SCFD2: variants seen among roughly 807,000 people sequenced by gnomAD.
SCFD2 encodes sec1 family domain containing 2.
SCFD2 carries 54 observed loss-of-function variants against 58.9 expected under a neutral mutation model. That is an observed-to-expected ratio of 0.92 (90% CI 0.74 to 1.15). The LOEUF (loss-of-function observed/expected upper bound fraction) is 1.15. Among genes scored for constraint, SCFD2 ranks in the 50% most tolerant of loss-of-function variants. The pLI, the probability that SCFD2 is intolerant of heterozygous loss-of-function variation, is 0.00. For synonymous variants in SCFD2, 321 were observed against 335.9 expected (o/e 0.96, Z 0.49); for missense variants, 805 against 836.6 (o/e 0.96, Z 0.47).
chr4:53,172,877 A>C (rs1727220119), intron 4 of SCFD2, among the ~76,000 whole-genome samples: 1 of 152,184 alleles, frequency 6.6e-6, no homozygotes, highest in Non-Finnish European at 1.5e-5. Flanking sequence ...GTGTAGTTCA[A>C]GACCAATGTT....
At chr4:53,049,883 A>G (rs1723142128) in intron 5 of SCFD2, among the ~76,000 whole-genome samples, 1 of 152,124 alleles carries the variant, frequency 6.6e-6, no homozygotes, top group African/African-American at 2.4e-5. Flanking sequence ...ATTTGAGGTC[A>G]TTTTAATTTC....
intron 3 of SCFD2, among the ~76,000 whole-genome samples, chr4:53,298,675 C>G (rs1333326482): frequency 6.6e-6 from 1 of 152,178 alleles, no homozygotes; most frequent in African/African-American, 2.4e-5. Context: ...CCCCGAGTAG[C>G]CTAACTGGGA....
chr4:53,225,562 C>T (rs1242022006), intron 4 of SCFD2, among the ~76,000 whole-genome samples: 1 of 152,092 alleles, frequency 6.6e-6, no homozygotes, highest in Admixed American at 6.5e-5. Context: ...GTTGATAACA[C>T]CCTATATAAA....
intron 4 of SCFD2, among the ~76,000 whole-genome samples, chr4:53,191,321 A>G (rs1163884432): frequency 6.6e-6 from 1 of 152,156 alleles, no homozygotes; most frequent in African/African-American, 2.4e-5. Flanking sequence ...TAAGAAATAA[A>G]TAAACAAACG....
intron 4 of SCFD2, among the ~76,000 whole-genome samples, chr4:53,201,597 C>G (rs892253116): frequency 3.9e-5 from 6 of 152,068 alleles, no homozygotes; most frequent in Admixed American, 1.3e-4. Context: ...GAGGAATCGC[C>G]ACACTGACTT....
chr4:52,964,513 C>T lies in SCFD2; in HGVS notation c.1562-43643G>A, dbSNP rs576968751. Among the ~76,000 whole-genome samples, 152 of 152,302 alleles carry T rather than the reference C, an allele frequency of 1.0e-3. 1 individual carries two copies. Among genetic ancestry groups the T allele is most frequent in the African/African-American group, 3.5e-3 (145 of 41,566 alleles). On this transcript the variant is annotated intron_variant, in intron 5 of 8. Coordinates refer to ENST00000401642, the MANE Select transcript of SCFD2 (RefSeq NM_152540.4). ...GGCCCTGTCAGCACTGAAGTAATCT[C>T]CATCCATGTTTCCAGGAACATTCTA... is the stretch of plus-strand genomic sequence containing the variant.
At chr4:53,325,656 C>A (rs1260394557) in intron 2 of SCFD2, among the ~76,000 whole-genome samples, 2 of 152,080 alleles carry the variant, frequency 1.3e-5, no homozygotes, top group East Asian at 3.9e-4. Context: ...ATCTTAAATC[C>A]CAAAGGGAAG....
chr4:53,263,591 T>C (rs1358610975), intron 4 of SCFD2, among the ~76,000 whole-genome samples: 1 of 152,194 alleles, frequency 6.6e-6, no homozygotes, highest in Non-Finnish European at 1.5e-5. Context: ...AAGAGTCCTA[T>C]AATGTGATCC....
At chr4:53,042,454 G>T (rs763078858) in intron 5 of SCFD2, among the ~76,000 whole-genome samples, 2 of 151,994 alleles carry the variant, frequency 1.3e-5, no homozygotes, top group East Asian at 3.9e-4. Flanking sequence ...ATTTAGCATG[G>T]TTCAACACAC....
At chr4:52,875,603 C>T (rs1351924954) in intron 8 of SCFD2, among the ~76,000 whole-genome samples, 2 of 151,514 alleles carry the variant, frequency 1.3e-5, no homozygotes, top group Admixed American at 6.6e-5. Context: ...ATTAACCAAC[C>T]CCAAGTCCAC....
chr4:53,064,870 A>G (rs1723613135), intron 5 of SCFD2, among the ~76,000 whole-genome samples: 1 of 152,142 alleles, frequency 6.6e-6, no homozygotes, highest in Admixed American at 6.6e-5. Flanking sequence ...GAGATAATAC[A>G]TGTAAAGTAC....
At chr4:53,018,043 T>C (rs1232250469) in intron 5 of SCFD2, among the ~76,000 whole-genome samples, 4 of 152,234 alleles carry the variant, frequency 2.6e-5, no homozygotes, top group Non-Finnish European at 4.4e-5. Context: ...TCCAGAGCTA[T>C]CATCAGCATG....
At chr4:53,115,642 T>C (rs1224903855) in intron 5 of SCFD2, among the ~76,000 whole-genome samples, 2 of 152,192 alleles carry the variant, frequency 1.3e-5, no homozygotes, top group East Asian at 3.8e-4. Context: ...GGTAGTCACA[T>C]TTGTATTTTA....
rs558203641 is a variant in SCFD2, at chr4:52,943,257, AAAC to A, written c.1562-22390_1562-22388del. ...AAACAAAACAAAACAAAACAAAACA[AAAC>A]AAAACAAAAACCCTGTTAAAGATAG... On this transcript the variant is annotated intron_variant, in intron 5 of 8. Coordinates refer to ENST00000401642, the MANE Select transcript of SCFD2 (RefSeq NM_152540.4). Among the ~76,000 whole-genome samples the A allele has an allele frequency of 5.3e-3, 804 of 152,012 alleles. 4 individuals are homozygous for A. The highest frequency in any genetic ancestry group is 9.0e-3 in the Non-Finnish European group (613 of 67,972).
rs1218677767 is a variant in SCFD2, at chr4:53,059,481, C to T, written c.1561+85852G>A. On this transcript the variant is annotated intron_variant, in intron 5 of 8. Transcript: ENST00000401642. ...CCCTCTATGTGCCAAATAGCCCAGC[C>T]GGAACATGGGTCTTGGCTGTGTCTG... 4.6e-5 allele frequency among the ~76,000 whole-genome samples: 7 copies of T among 152,196 alleles called. No individual in the cohort carries two copies. In the South Asian group the frequency reaches 1.2e-3, roughly 27 times the overall value.
At chr4:52,993,238 C>T (rs1433395253) in intron 5 of SCFD2, among the ~76,000 whole-genome samples, 164 of 138,372 alleles carry the variant, frequency 1.2e-3, no homozygotes, top group South Asian at 2.9e-3. Flanking sequence ...TCTCAAGTAC[C>T]CAGGGACACA....
intron 5 of SCFD2, among the ~76,000 whole-genome samples, chr4:52,964,161 T>A (rs1000243661): frequency 6.6e-6 from 1 of 152,188 alleles, no homozygotes; most frequent in Admixed American, 6.5e-5. Context: ...ATGGAAAGCC[T>A]CCAAGTGGTT....
At chr4:53,268,088 T>C (rs561523893) in intron 4 of SCFD2, among the ~76,000 whole-genome samples, 14 of 152,040 alleles carry the variant, frequency 9.2e-5, no homozygotes, top group Admixed American at 5.9e-4. Flanking sequence ...GAGGGCACAA[T>C]AGTGGCTTAG....
At chr4:53,216,533 CTCTT>C (rs1404154282) in intron 4 of SCFD2, among the ~76,000 whole-genome samples, 2 of 152,070 alleles carry the variant, frequency 1.3e-5, no homozygotes, top group Non-Finnish European at 2.9e-5. Context: ...TGATTCTTCT[CTCTT>C]TTTTTCTTTA....
Sources: allele counts gnomAD v4.1 joint callset (sites outside exome capture counted in the v4.1 genomes callset), GRCh38; gene constraint gnomAD v4.1.1; transcripts MANE v1.5; gene names NCBI Gene and HGNC (gene_info 2026-07-23, HGNC 2026-07-21).